GAB2: variants seen among roughly 807,000 people sequenced by gnomAD.
The protein encoded by GAB2 is GRB2 associated binding protein 2.
Under a neutral mutation model 65.5 loss-of-function variants are expected in GAB2, and 26 were observed. That is an observed-to-expected ratio of 0.40 (90% CI 0.29 to 0.55). The LOEUF is 0.55. Ranked by LOEUF, GAB2 falls within the 20% of genes least tolerant of loss-of-function variation. The pLI is 0.53. For missense variants in GAB2, 884 were observed against 875.8 expected (o/e 1.01, Z -0.12); for synonymous variants, 321 against 329.6 (o/e 0.97, Z 0.28).
chr11:78,300,703 T>TTG (rs1449728631), intron 1 of GAB2, among the ~76,000 whole-genome samples: 8 of 143,026 alleles, frequency 5.6e-5, no homozygotes, highest in South Asian at 2.3e-4. Flanking sequence ...TTGTTTTTTT[T>TTG]TTTTTTTTTG....
chr11:78,316,535 A>G (rs767000807), intron 1 of GAB2, among the ~76,000 whole-genome samples: 12 of 152,232 alleles, frequency 7.9e-5, no homozygotes, highest in Non-Finnish European at 1.5e-4. Context: ...CAAGAAGCAC[A>G]TGAAAAGATG....
intron 2 of GAB2, among the ~76,000 whole-genome samples, chr11:78,260,238 G>A (rs1274080662): frequency 2.0e-5 from 3 of 152,156 alleles, no homozygotes; most frequent in South Asian, 2.1e-4. Flanking sequence ...CACCATCTCC[G>A]CTAGGGAGAG....
intron 3 of GAB2, among the ~76,000 whole-genome samples, chr11:78,247,518 A>G (rs926853454): frequency 2.6e-5 from 4 of 152,188 alleles, no homozygotes; most frequent in Non-Finnish European, 5.9e-5. Context: ...TCTCTCAACT[A>G]TGGGTTAATG....
Position 78,215,774 on chromosome 11 carries a change from C to CT in GAB2, c.*3497_*3498insA, listed in dbSNP as rs1279092122. The CT allele has an allele frequency of 2.0e-5, 3 of 152,648 alleles. No homozygotes were observed. Among genetic ancestry groups the CT allele is most frequent in the Admixed American group, 2.0e-4 (3 of 15,286 alleles). The allele number at this position is 152,648 out of a possible 1,614,324, so 9.5% of individuals were successfully genotyped here. On this transcript the variant is annotated 3_prime_UTR_variant, in exon 10 of 10. Coordinates refer to ENST00000361507, the MANE Select transcript of GAB2 (RefSeq NM_080491.3). ...GGGCTAGTCCCAGAAAGACGACCCC[C>CT]CACGGAAGGGCTTTAGCGCTCCTGA...
At chr11:78,298,708 G>A (rs1272519992) in intron 1 of GAB2, among the ~76,000 whole-genome samples, 1 of 152,110 alleles carries the variant, frequency 6.6e-6, no homozygotes, top group Non-Finnish European at 1.5e-5. Flanking sequence ...GTCCTTGAAT[G>A]GTCTGATCTC....
chr11:78,402,351 T>G (rs958427926), intron 1 of GAB2, among the ~76,000 whole-genome samples: 5 of 152,198 alleles, frequency 3.3e-5, no homozygotes, highest in African/African-American at 1.2e-4. Flanking sequence ...TCCCAGAACT[T>G]GGGCACTTGG....
intron 1 of GAB2, among the ~76,000 whole-genome samples, chr11:78,285,146 G>C (rs1176538589): frequency 6.6e-6 from 1 of 152,192 alleles, no homozygotes; most frequent in Admixed American, 6.5e-5. Flanking sequence ...GGGCACCAAG[G>C]TGCATTTTAA....
In GAB2 at chr11:78,322,241, G is replaced by A. The variant is rs200375884; in HGVS notation, c.76-41340C>T. Among the ~76,000 whole-genome samples the A allele has an allele frequency of 2.0e-4, 28 of 139,484 alleles. No individual in the cohort carries two copies. The East Asian group carries it at 6.3e-3, about 32-fold the overall frequency. 91.5% of individuals were successfully genotyped at this position (139,484 alleles called of 152,430 possible). A position where few individuals can be genotyped will look rare whatever the true frequency, so the allele number is the denominator to read the frequency against. On this transcript the variant is annotated intron_variant, in intron 1 of 9. Coordinates refer to ENST00000361507, the MANE Select transcript of GAB2 (RefSeq NM_080491.3). The stretch of plus-strand genomic sequence containing the variant: ...AATCACTTGAACCCAGGAGGCGGAG[G>A]TTGCAGTGAGCCGAGCTACTGCACT...
intron 1 of GAB2, among the ~76,000 whole-genome samples, chr11:78,404,397 A>T (rs1013303368): frequency 3.9e-5 from 6 of 152,180 alleles, no homozygotes; most frequent in African/African-American, 1.4e-4. Flanking sequence ...AAAACAAAAA[A>T]TTAGCCAGGC....
At position 78,263,468 on chromosome 11, in the gene GAB2, C is replaced by A. The variant is rs138815467; in HGVS notation, c.377-13068G>T. Among the ~76,000 whole-genome samples, 1,419 of 151,962 alleles carry A rather than the reference C, an allele frequency of 9.3e-3. 20 individuals are homozygous for A. Among genetic ancestry groups the A allele is most frequent in the African/African-American group, 0.033 (1,356 of 41,426 alleles). ...CTAACACGGTGAAACCCCATCTCTACTAAAAATACAAAAAATTAGCTGGGC... is the reference window on the plus strand; with the variant it reads ...CTAACACGGTGAAACCCCATCTCTAATAAAAATACAAAAAATTAGCTGGGC... On this transcript the variant is annotated intron_variant, in intron 2 of 9. Transcript: ENST00000361507.
chr11:78,325,572 G>A (rs1469777267), intron 1 of GAB2, among the ~76,000 whole-genome samples: 1 of 152,140 alleles, frequency 6.6e-6, no homozygotes, highest in East Asian at 1.9e-4. Flanking sequence ...CATACAGAGA[G>A]GTGGACTAGA....
At chr11:78,230,922 G>A (rs919988311) in intron 3 of GAB2, among the ~76,000 whole-genome samples, 36 of 152,324 alleles carry the variant, frequency 2.4e-4, no homozygotes, top group African/African-American at 8.7e-4. Flanking sequence ...TCACTGTGAT[G>A]ACCTGAGTTG....
chr11:78,312,286 TACCACC>T (rs558388058), intron 1 of GAB2, among the ~76,000 whole-genome samples: 1 of 151,798 alleles, frequency 6.6e-6, no homozygotes, highest in African/African-American at 2.4e-5. Flanking sequence ...GTGTGGTCTT[TACCACC>T]ACCACCACCA....
chr11:78,259,335 G>C (rs1441984650), intron 2 of GAB2, among the ~76,000 whole-genome samples: 2 of 152,128 alleles, frequency 1.3e-5, no homozygotes, highest in Non-Finnish European at 2.9e-5. Context: ...TACTAGAAGT[G>C]GAATGGTGGT....
In GAB2 at chr11:78,222,090, C is replaced by T. The variant is rs373296373; in HGVS notation, c.1658+15G>A. Reference sequence around the variant, plus strand: ...GCCCGACTCCAAGCTCCCACCCCCACACATACGCACTTACTTGGCCCTAGA... The same window carrying T: ...GCCCGACTCCAAGCTCCCACCCCCATACATACGCACTTACTTGGCCCTAGA... On this transcript the variant is annotated intron_variant, in intron 7 of 9. Coordinates refer to ENST00000361507, the MANE Select transcript of GAB2 (RefSeq NM_080491.3). 2.6e-5 allele frequency: 40 copies of T among 1,558,022 alleles called. No homozygotes were observed. In the Admixed American group the frequency reaches 6.5e-4, roughly 25 times the overall value.
chr11:78,295,192 T>C (rs1291262658), intron 1 of GAB2, among the ~76,000 whole-genome samples: 1 of 152,184 alleles, frequency 6.6e-6, no homozygotes, highest in East Asian at 1.9e-4. Flanking sequence ...TGAGATACCA[T>C]CTCACACCAG....
At position 78,391,756 on chromosome 11, in the gene GAB2, T is replaced by C. The variant is rs1041087152; in HGVS notation, c.75+25890A>G. 5.3e-5 allele frequency among the ~76,000 whole-genome samples: 8 copies of C among 152,306 alleles called. No homozygotes were observed. In the Middle Eastern group the frequency reaches 0.014, roughly 259 times the overall value. ...GCCTTCCCAGTTGGGGCCCCAGATA[T>C]TGGGGAGCAGAATCAAGTTCCTGCC... On this transcript the variant is annotated intron_variant, in intron 1 of 9. Coordinates refer to ENST00000361507, the MANE Select transcript of GAB2 (RefSeq NM_080491.3).
chr11:78,407,406 G>A (rs1049330086), intron 1 of GAB2, among the ~76,000 whole-genome samples: 7 of 151,982 alleles, frequency 4.6e-5, no homozygotes, highest in South Asian at 2.1e-4. Flanking sequence ...TGAGTTGGGT[G>A]GATCACCTGA....
intron 1 of GAB2, among the ~76,000 whole-genome samples, chr11:78,338,545 T>C (rs1465450891): frequency 1.3e-5 from 2 of 152,222 alleles, no homozygotes. Flanking sequence ...TTACATAAAC[T>C]GAAAATATTC....
Sources: gnomAD v4.1 joint callset for allele counts (sites outside exome capture counted in the v4.1 genomes callset) on GRCh38, gnomAD v4.1.1 for gene constraint, MANE v1.5 for transcripts, NCBI Gene and HGNC (gene_info 2026-07-23, HGNC 2026-07-21) for gene names.